The following HDAC9 variants were observed in gnomAD, a reference collection of about 807,000 sequenced individuals.
HDAC9 encodes histone deacetylase 9, also known as MEF-2 interacting transcription repressor (MITR) protein.
A neutral mutation model predicts 139.4 loss-of-function variants in HDAC9; 41 were observed. The ratio of observed to expected loss-of-function variants is 0.29; its 90% CI spans 0.23 to 0.38. The LOEUF (loss-of-function observed/expected upper bound fraction) is 0.38, where lower values mean the gene tolerates loss of function less well. HDAC9 is among the 10% of genes least tolerant of loss of function. The pLI is 1.00. For synonymous variants in HDAC9, 517 were observed against 476.2 expected (o/e 1.09, Z -1.12); for missense variants, 1,147 against 1,297.0 (o/e 0.88, Z 1.78).
At chr7:18,663,997 T>C (rs1794036361) in intron 11 of HDAC9, among the ~76,000 whole-genome samples, 1 of 152,180 alleles carries the variant, frequency 6.6e-6, no homozygotes, top group Non-Finnish European at 1.5e-5. Context: ...TAGGAATTTT[T>C]CTTTAATATC....
At chr7:18,971,050 G>A (rs1356386978) in intron 24 of HDAC9, among the ~76,000 whole-genome samples, 1 of 152,200 alleles carries the variant, frequency 6.6e-6, no homozygotes, top group African/African-American at 2.4e-5. Context: ...CAGAGTACCT[G>A]CAGGATGCCC....
At chr7:18,094,343 A>G (rs559959530) in intron 1 of HDAC9, among the ~76,000 whole-genome samples, 1 of 152,326 alleles carries the variant, frequency 6.6e-6, no homozygotes, top group Non-Finnish European at 1.5e-5. Flanking sequence ...GATTTCCTAA[A>G]CTAGATTAGG....
rs1015391072 is a variant in HDAC9 at position 18,967,639 on chromosome 7, G to A, written c.3023-8167G>A. Among the ~76,000 whole-genome samples the A allele has an allele frequency of 2.6e-5, 4 of 152,066 alleles. No homozygotes were observed. The South Asian group carries it at 6.2e-4, about 24-fold the overall frequency. On this transcript the variant is annotated intron_variant, in intron 24 of 25. Coordinates refer to ENST00000686413, the MANE Select transcript of HDAC9 (RefSeq NM_178425.4). ...AAAGTTCGGTGGAACATCTTATAGA[G>A]CAGGAATGTACTTAGCATTACGTAT...
chr7:18,463,700 A>G (rs1794037415), intron 1 of HDAC9, among the ~76,000 whole-genome samples: 1 of 151,586 alleles, frequency 6.6e-6, no homozygotes, highest in Non-Finnish European at 1.5e-5. Context: ...TTGCTTATTG[A>G]TTTTGTTTTC....
intron 1 of HDAC9, among the ~76,000 whole-genome samples, chr7:18,370,005 G>A (rs1441696145): frequency 2.0e-5 from 3 of 152,120 alleles, no homozygotes; most frequent in African/African-American, 7.2e-5. Context: ...TTAAAAAGAT[G>A]TTTAAGACTT....
At chr7:18,397,991 C>G (rs921976114) in intron 1 of HDAC9, among the ~76,000 whole-genome samples, 1 of 152,180 alleles carries the variant, frequency 6.6e-6, no homozygotes, top group Non-Finnish European at 1.5e-5. Flanking sequence ...GCCACATCAT[C>G]TTACAGATGA....
intron 2 of HDAC9, among the ~76,000 whole-genome samples, chr7:18,190,818 C>T (rs1790298313): frequency 6.6e-6 from 1 of 152,104 alleles, no homozygotes; most frequent in Admixed American, 6.6e-5. Flanking sequence ...TCAGAAATTT[C>T]TGTATGTCCC....
At chr7:18,892,223 A>G (rs895451465) in intron 22 of HDAC9, 1 of 152,174 alleles carries the variant, frequency 6.6e-6, no homozygotes, top group Admixed American at 6.6e-5. Context: ...AAGTATTTGG[A>G]CCAACTCATA....
intron 2 of HDAC9, among the ~76,000 whole-genome samples, chr7:18,174,337 T>A (rs1788705541): frequency 6.6e-6 from 1 of 152,206 alleles, no homozygotes; most frequent in South Asian, 2.1e-4. Context: ...TTTATTCTAG[T>A]GAGCCATTTG....
intron 16 of HDAC9, among the ~76,000 whole-genome samples, chr7:18,778,132 A>G (rs1423706176): frequency 6.6e-6 from 1 of 151,950 alleles, no homozygotes; most frequent in Non-Finnish European, 1.5e-5. Flanking sequence ...ACAACTCACC[A>G]TAATTTCAAC....
Position 18,570,507 on chromosome 7 carries a change from A to G in HDAC9, c.23-14774A>G, listed in dbSNP as rs1379807677. Among the ~76,000 whole-genome samples the G allele has an allele frequency of 2.6e-5, 4 of 152,250 alleles. No homozygotes were observed. In the East Asian group the frequency reaches 7.7e-4, roughly 29 times the overall value. ...TTTTCAGTCTCATCTGTATCAAGGC[A>G]TACTCCAGAATGAAATGTGTAGAAA... On this transcript the variant is annotated intron_variant, in intron 2 of 25. Coordinates refer to ENST00000686413, the MANE Select transcript of HDAC9 (RefSeq NM_178425.4).
intron 13 of HDAC9, among the ~76,000 whole-genome samples, chr7:18,732,907 G>A (rs867855560): frequency 2.3e-5 from 2 of 87,498 alleles, no homozygotes; most frequent in Admixed American, 1.0e-4. Context: ...ACACACGTGT[G>A]CGTATGTGTA....
chr7:18,861,158 G>A (rs1380718191), intron 21 of HDAC9, among the ~76,000 whole-genome samples: 1 of 152,044 alleles, frequency 6.6e-6, no homozygotes, highest in Admixed American at 6.5e-5. Context: ...AAAATTCACG[G>A]TATTTCTATG....
chr7:18,321,119 A>C (rs1011606956), intron 1 of HDAC9, among the ~76,000 whole-genome samples: 1 of 152,210 alleles, frequency 6.6e-6, no homozygotes. Flanking sequence ...ATGTAAGGCA[A>C]GTTCTATAGA....
intron 2 of HDAC9, among the ~76,000 whole-genome samples, chr7:18,500,446 T>TA (rs1450564988): frequency 1.3e-5 from 2 of 152,132 alleles, no homozygotes; most frequent in African/African-American, 4.8e-5. Context: ...CCTCAGAGGC[T>TA]AACAGCCAAG....
chr7:18,794,358 AG>A (rs1317568324), intron 17 of HDAC9, among the ~76,000 whole-genome samples: 1 of 152,170 alleles, frequency 6.6e-6, no homozygotes, highest in East Asian at 1.9e-4. Flanking sequence ...CTTTATGTCT[AG>A]TGAATTTTTA....
chr7:18,694,017 A>G (rs576087637), intron 12 of HDAC9, among the ~76,000 whole-genome samples: 7 of 152,314 alleles, frequency 4.6e-5, no homozygotes, highest in African/African-American at 1.7e-4. Context: ...GATCCAAGCA[A>G]AACATCTTGA....
intron 2 of HDAC9, among the ~76,000 whole-genome samples, chr7:18,503,734 C>G (rs372395057): frequency 6.6e-6 from 1 of 152,118 alleles, no homozygotes; most frequent in East Asian, 1.9e-4. Flanking sequence ...GAAATACCCA[C>G]GACTTTATTT....
chr7:18,345,889 C>G (rs188160898), intron 1 of HDAC9, among the ~76,000 whole-genome samples: 1 of 152,038 alleles, frequency 6.6e-6, no homozygotes, highest in South Asian at 2.1e-4. Flanking sequence ...TCTTTTCCAA[C>G]GACTCCTGTT....
Sources: allele counts gnomAD v4.1 joint callset (sites outside exome capture counted in the v4.1 genomes callset), GRCh38; gene constraint gnomAD v4.1.1; transcripts MANE v1.5; gene names NCBI Gene and HGNC (gene_info 2026-07-23, HGNC 2026-07-21).